RBFOX1: variants seen among roughly 807,000 people sequenced by gnomAD.
RBFOX1 encodes the protein RNA binding fox-1 homolog 1, also known as RNA binding protein fox-1 homolog 1.
RBFOX1 carries 8 observed loss-of-function variants against 57.7 expected under a neutral mutation model. The observed-to-expected ratio is 0.14, with a 90% CI of 0.08 to 0.25. RBFOX1 has a LOEUF of 0.25. Among genes scored for constraint, RBFOX1 ranks in the 10% least tolerant of loss-of-function variants. The probability of loss-of-function intolerance (pLI) is 1.00; values close to 1 mark genes in which losing one functional copy is unlikely to be tolerated. For missense variants in RBFOX1, 611 were observed against 548.5 expected, an observed-to-expected ratio of 1.11 and a Z score of -1.14; for synonymous variants, 326 against 222.4, an observed-to-expected ratio of 1.47 and a Z score of -4.15.
At chr16:6,909,920 CT>C (rs1045250332) in intron 3 of RBFOX1, among the ~76,000 whole-genome samples, 1 of 151,742 alleles carries the variant, frequency 6.6e-6, no homozygotes, top group Non-Finnish European at 1.5e-5. Context: ...GCAGGATTTG[CT>C]TTTTTTTGCT....
intron 11 of RBFOX1, among the ~76,000 whole-genome samples, chr16:7,633,509 T>A (rs975929558): frequency 1.3e-5 from 2 of 152,020 alleles, no homozygotes; most frequent in African/African-American, 2.4e-5. Flanking sequence ...TTCATAGCAA[T>A]TTTTTTTCAA....
At chr16:7,387,325 T>A (rs1379007391) in intron 4 of RBFOX1, among the ~76,000 whole-genome samples, 1 of 152,184 alleles carries the variant, frequency 6.6e-6, no homozygotes, top group East Asian at 1.9e-4. Context: ...ATAAGAAAAC[T>A]GAGACCCAGG....
At chr16:6,734,335 G>A (rs866423471) in intron 3 of RBFOX1, among the ~76,000 whole-genome samples, 1 of 152,144 alleles carries the variant, frequency 6.6e-6, no homozygotes, top group Non-Finnish European at 1.5e-5. Context: ...ACTATCCTCT[G>A]GGCTCAGTTT....
chr16:5,300,574 AATTAT>A (rs2063779493), intron 1 of RBFOX1, among the ~76,000 whole-genome samples: 2 of 152,278 alleles, frequency 1.3e-5, no homozygotes, highest in South Asian at 4.1e-4. Context: ...TTTAAGTAAT[AATTAT>A]ATTATTTATT....
chr16:7,136,277 G>T (rs2071928105), intron 4 of RBFOX1, among the ~76,000 whole-genome samples: 1 of 152,122 alleles, frequency 6.6e-6, no homozygotes, highest in African/African-American at 2.4e-5. Context: ...AAAGTTTAAT[G>T]AAATCAACAG....
Position 6,877,824 on chromosome 16 carries a change from T to C in RBFOX1, c.-15-174233T>C, listed in dbSNP as rs539415206. On this transcript the variant is annotated intron_variant, in intron 3 of 15. Coordinates refer to ENST00000550418, the MANE Select transcript of RBFOX1 (RefSeq NM_018723.4). The stretch of plus-strand genomic sequence containing the variant: ...CTTGTGTAACTAGGAGAATAAGTCA[T>C]CTAACAGTCTTCTTCCTATCCCCAA... 1.7e-4 allele frequency among the ~76,000 whole-genome samples: 26 copies of C among 152,274 alleles called. 1 individual carries two copies. In the South Asian group the frequency reaches 5.2e-3, roughly 30 times the overall value.
chr16:6,050,804 A>C (rs1047946239), intron 1 of RBFOX1, among the ~76,000 whole-genome samples: 3 of 151,908 alleles, frequency 2.0e-5, no homozygotes, highest in Admixed American at 2.0e-4. Context: ...TTTCAAATAT[A>C]TGAGCTTGTT....
intron 1 of RBFOX1, among the ~76,000 whole-genome samples, chr16:6,073,501 A>T (rs1286841139): frequency 6.6e-6 from 1 of 152,170 alleles, no homozygotes; most frequent in Non-Finnish European, 1.5e-5. Context: ...TGCTAATAGG[A>T]AAAACTGCTT....
intron 2 of RBFOX1, among the ~76,000 whole-genome samples, chr16:6,560,455 C>G (rs967786417): frequency 2.0e-5 from 3 of 152,040 alleles, no homozygotes; most frequent in African/African-American, 7.2e-5. Context: ...AAGAGCATTC[C>G]AGGCAGTGAA....
At chr16:5,693,460 A>G (rs895611097) in intron 3 of RBFOX1, among the ~76,000 whole-genome samples, 1 of 151,544 alleles carries the variant, frequency 6.6e-6, no homozygotes, top group African/African-American at 2.4e-5. Context: ...ATTTTATTTT[A>G]TTTTGTTTTG....
chr16:5,531,886 C>T (rs1290420134), intron 2 of RBFOX1, among the ~76,000 whole-genome samples: 1 of 150,950 alleles, frequency 6.6e-6, no homozygotes. Flanking sequence ...ACTGCAACCT[C>T]TGCTTCCTGG....
chr16:7,326,476 G>A (rs1854345655), intron 4 of RBFOX1, among the ~76,000 whole-genome samples: 1 of 152,116 alleles, frequency 6.6e-6, no homozygotes, highest in South Asian at 2.1e-4. Context: ...ACTGAAGACA[G>A]ACAGAGCTGC....
At chr16:5,959,120 T>C (rs2059701763) in intron 4 of RBFOX1, among the ~76,000 whole-genome samples, 1 of 152,250 alleles carries the variant, frequency 6.6e-6, no homozygotes, top group East Asian at 1.9e-4. Context: ...TGGTTTTAAC[T>C]GAAGTGTAAG....
At chr16:6,830,362 C>CT (rs199713729) in intron 3 of RBFOX1, among the ~76,000 whole-genome samples, 28 of 151,740 alleles carry the variant, frequency 1.8e-4, no homozygotes, top group South Asian at 1.5e-3. Flanking sequence ...AAATATTCCA[C>CT]TTTTTTTTTC....
intron 4 of RBFOX1, among the ~76,000 whole-genome samples, chr16:7,389,750 A>T (rs978671941): frequency 1.3e-5 from 2 of 152,174 alleles, no homozygotes; most frequent in Non-Finnish European, 2.9e-5. Flanking sequence ...AACAACACCA[A>T]TAATAATATT....
At chr16:7,702,875 C>G (rs561049524) in intron 14 of RBFOX1, among the ~76,000 whole-genome samples, 64 of 152,268 alleles carry the variant, frequency 4.2e-4, no homozygotes, top group African/African-American at 1.5e-3. Flanking sequence ...TCCTCAAACC[C>G]CAAAAATGAG....
chr16:7,495,980 A>G (rs1263569855), intron 4 of RBFOX1, among the ~76,000 whole-genome samples: 3 of 152,208 alleles, frequency 2.0e-5, no homozygotes, highest in Non-Finnish European at 4.4e-5. Context: ...ATTCTTAATA[A>G]GTACTTCCAT....
At chr16:7,152,106 G>A (rs1158203560) in intron 4 of RBFOX1, among the ~76,000 whole-genome samples, 5 of 152,134 alleles carry the variant, frequency 3.3e-5, no homozygotes. Context: ...TCTCACACAT[G>A]GGTTCCATAT....
chr16:6,242,185 G>A (rs938338669), intron 1 of RBFOX1, among the ~76,000 whole-genome samples: 76 of 151,938 alleles, frequency 5.0e-4, no homozygotes, highest in Non-Finnish European at 1.0e-3. Context: ...CATGTTATAT[G>A]CATATATAGT....
Sources: allele counts gnomAD v4.1 joint callset (sites outside exome capture counted in the v4.1 genomes callset), GRCh38; gene constraint gnomAD v4.1.1; transcripts MANE v1.5; gene names NCBI Gene and HGNC (gene_info 2026-07-23, HGNC 2026-07-21).